DNAH9: variants seen among roughly 807,000 people sequenced by gnomAD.
DNAH9 encodes dynein axonemal heavy chain 9, also known as DNAH9 variant protein.
DNAH9 carries 345 observed loss-of-function variants against 471.6 expected under a neutral mutation model. That is an observed-to-expected ratio of 0.73 (90% CI 0.67 to 0.80). The LOEUF is 0.80. DNAH9 is among the 30% of genes least tolerant of loss of function. The probability of loss-of-function intolerance (pLI) is 0.00; values close to 1 mark genes in which losing one functional copy is unlikely to be tolerated. For synonymous variants in DNAH9, 2,093 were observed against 2,123.6 expected, an observed-to-expected ratio of 0.99 and a Z score of 0.40; for missense variants, 5,407 against 5,609.2, an observed-to-expected ratio of 0.96 and a Z score of 1.15.
At chr17:11,875,260 G>GT (rs1972431360) in intron 53 of DNAH9, 76 bp downstream of exon 53, 10 of 1,194,372 alleles carry the variant, frequency 8.4e-6, no homozygotes, top group Non-Finnish European at 1.1e-5. Context: ...CAGATTTTAA[G>GT]CCCAGTGAAT....
intron 61 of DNAH9, among the ~76,000 whole-genome samples, chr17:11,917,437 G>A (rs938063959): frequency 2.0e-5 from 3 of 152,232 alleles, no homozygotes; most frequent in East Asian, 1.9e-4. Flanking sequence ...GATTACAGAC[G>A]TGAGCCACCA....
chr17:11,794,234 C>T (rs1358584244), intron 42 of DNAH9, among the ~76,000 whole-genome samples: 2 of 151,820 alleles, frequency 1.3e-5, no homozygotes, highest in East Asian at 1.9e-4. Flanking sequence ...TTAGTAGAGA[C>T]GGAGTTTCAC....
intron 22 of DNAH9, among the ~76,000 whole-genome samples, chr17:11,699,491 T>G (rs1282685911): frequency 6.6e-6 from 1 of 152,190 alleles, no homozygotes; most frequent in African/African-American, 2.4e-5. Flanking sequence ...TGTGACTTAG[T>G]TGGTTTATAG....
At chr17:11,630,689 A>G (rs924097137) in intron 7 of DNAH9, among the ~76,000 whole-genome samples, 2 of 152,156 alleles carry the variant, frequency 1.3e-5, no homozygotes, top group East Asian at 1.9e-4. Context: ...CGTTCTGCAC[A>G]TGTATCCCAG....
chr17:11,762,775 T>TTGTTTTTG (rs1555584679), intron 35 of DNAH9, among the ~76,000 whole-genome samples: 1 of 112,046 alleles, frequency 8.9e-6, no homozygotes, highest in Non-Finnish European at 1.8e-5. Flanking sequence ...TTTTTGTTTT[T>TTGTTTTTG]TTTTTTTTTT....
At chr17:11,601,513 G>A (rs765800564) in intron 1 of DNAH9, among the ~76,000 whole-genome samples, 8 of 152,164 alleles carry the variant, frequency 5.3e-5, no homozygotes, top group Non-Finnish European at 8.8e-5. Flanking sequence ...CCATGTAAAT[G>A]TATTACCTAT....
intron 50 of DNAH9, among the ~76,000 whole-genome samples, chr17:11,863,916 T>G (rs1971948406): frequency 6.6e-6 from 1 of 152,132 alleles, no homozygotes; most frequent in Non-Finnish European, 1.5e-5. Flanking sequence ...CTCTCCTTTT[T>G]TCTTTATTAG....
chr17:11,672,070 T>C (rs1351757612), intron 17 of DNAH9, among the ~76,000 whole-genome samples: 2 of 152,222 alleles, frequency 1.3e-5, no homozygotes, highest in Non-Finnish European at 2.9e-5. Context: ...AAAATTATTA[T>C]TGTCTCCTCT....
At chr17:11,761,889 CTT>C (rs1322473306) in intron 35 of DNAH9, among the ~76,000 whole-genome samples, 2 of 152,136 alleles carry the variant, frequency 1.3e-5, no homozygotes, top group Non-Finnish European at 2.9e-5. Flanking sequence ...CCTCTGTACT[CTT>C]GAGAGGGTGA....
At chr17:11,756,058 C>T (rs187492542) in intron 33 of DNAH9, among the ~76,000 whole-genome samples, 98 of 152,170 alleles carry the variant, frequency 6.4e-4, no homozygotes, top group African/African-American at 2.0e-3. Context: ...GGGCGGATCA[C>T]GAGGTCAGGA....
chr17:11,715,105 G>A (rs1213350038), intron 26 of DNAH9, among the ~76,000 whole-genome samples: 2 of 152,138 alleles, frequency 1.3e-5, no homozygotes, highest in East Asian at 3.8e-4. Context: ...CCTACTCTAG[G>A]ATCATCTGGA....
chr17:11,966,984 G>A (rs1435118375), intron 68 of DNAH9, among the ~76,000 whole-genome samples: 6 of 136,574 alleles, frequency 4.4e-5, no homozygotes, highest in South Asian at 2.3e-4. Context: ...GCAGTGAGCC[G>A]AGATCATGCC....
chr17:11,739,056 C>G lies in DNAH9; in HGVS notation c.5972+19C>G, dbSNP rs2075395488. ...TCTTCAGGTGAGTGTCAGTTCTGCCCCATGCAAAAGCCCCAAAAGAGAAGT... is the reference window on the plus strand; with the variant it reads ...TCTTCAGGTGAGTGTCAGTTCTGCCGCATGCAAAAGCCCCAAAAGAGAAGT... On this transcript the variant is annotated intron_variant, in intron 29 of 68. Coordinates refer to ENST00000262442, the MANE Select transcript of DNAH9 (RefSeq NM_001372.4). 1 of 1,554,236 alleles carries G rather than the reference C, an allele frequency of 6.4e-7. No individual in the cohort carries two copies. Among genetic ancestry groups the G allele is most frequent in the Non-Finnish European group, 8.7e-7 (1 of 1,143,554 alleles).
At chr17:11,831,159 A>T (rs918624075) in intron 48 of DNAH9, among the ~76,000 whole-genome samples, 1 of 152,214 alleles carries the variant, frequency 6.6e-6, no homozygotes, top group African/African-American at 2.4e-5. Flanking sequence ...GCTATAAAGG[A>T]ATACCTAAGG....
At chr17:11,762,904 C>A (rs1028036005) in intron 35 of DNAH9, among the ~76,000 whole-genome samples, 10 of 151,460 alleles carry the variant, frequency 6.6e-5, no homozygotes, top group Admixed American at 1.3e-4. Flanking sequence ...CTCAGCCTCC[C>A]AAGTAGCTGG....
At chr17:11,927,697 C>T (rs1045001428) in intron 62 of DNAH9, among the ~76,000 whole-genome samples, 6 of 152,202 alleles carry the variant, frequency 3.9e-5, no homozygotes, top group African/African-American at 1.4e-4. Flanking sequence ...GAGCTGGCTT[C>T]TCTGGTCCTG....
rs111317068 is a variant in DNAH9, at chr17:11,789,029, A to G, written c.8062-4474A>G. 9.7e-3 allele frequency among the ~76,000 whole-genome samples: 1,473 copies of G among 152,164 alleles called. 18 individuals carry two copies. The highest frequency in any genetic ancestry group is 0.034 in the African/African-American group (1,405 of 41,556). ...TCTCTTCTATTCTGGTAATATGATA[A>G]ATTAATTGATTATTTTCAAACATTA... On this transcript the variant is annotated intron_variant, in intron 41 of 68. Coordinates refer to ENST00000262442, the MANE Select transcript of DNAH9 (RefSeq NM_001372.4).
At chr17:11,806,524 T>TAAA (rs1969687977) in intron 43 of DNAH9, among the ~76,000 whole-genome samples, 1 of 152,036 alleles carries the variant, frequency 6.6e-6, no homozygotes, top group Non-Finnish European at 1.5e-5. Flanking sequence ...GCTGAATTTT[T>TAAA]AATGGCTTAG....
chr17:11,945,825 G>A (rs573216696), intron 67 of DNAH9, among the ~76,000 whole-genome samples: 56 of 151,872 alleles, frequency 3.7e-4, no homozygotes, highest in African/African-American at 1.2e-3. Flanking sequence ...TTGGGAGGCC[G>A]AGGCAGCTGG....
Sources: allele counts gnomAD v4.1 joint callset (sites outside exome capture counted in the v4.1 genomes callset), GRCh38; gene constraint gnomAD v4.1.1; transcripts MANE v1.5; gene names NCBI Gene and HGNC (gene_info 2026-07-23, HGNC 2026-07-21).